The following ASIC2 variants were observed in gnomAD, a reference collection of about 807,000 sequenced individuals.
The protein encoded by ASIC2 is acid-sensing ion channel 2.
Under a neutral mutation model 57.3 loss-of-function variants are expected in ASIC2, and 25 were observed. That is an observed-to-expected ratio of 0.44 (90% CI 0.32 to 0.61). The LOEUF (loss-of-function observed/expected upper bound fraction) is 0.61. Ranked by LOEUF, ASIC2 falls within the 20% of genes least tolerant of loss-of-function variation. The probability of loss-of-function intolerance (pLI) is 0.06; values close to 1 mark genes in which losing one functional copy is unlikely to be tolerated. For synonymous variants in ASIC2, 319 were observed against 307.5 expected (o/e 1.04, Z -0.39); for missense variants, 641 against 738.1 (o/e 0.87, Z 1.52).
At chr17:34,093,993 C>T (rs1181581015) in intron 1 of ASIC2, among the ~76,000 whole-genome samples, 1 of 152,114 alleles carries the variant, frequency 6.6e-6, no homozygotes, top group Non-Finnish European at 1.5e-5. Context: ...TTTAATGCAG[C>T]GCACATGCTA....
chr17:33,046,999 T>C (rs1167463493), intron 3 of ASIC2, among the ~76,000 whole-genome samples: 1 of 152,266 alleles, frequency 6.6e-6, no homozygotes, highest in Non-Finnish European at 1.5e-5. Flanking sequence ...GCACTCGTGA[T>C]GCCGCATGAT....
At chr17:34,044,389 T>C (rs1908259590) in intron 1 of ASIC2, among the ~76,000 whole-genome samples, 1 of 152,070 alleles carries the variant, frequency 6.6e-6, no homozygotes, top group African/African-American at 2.4e-5. Flanking sequence ...AATAATAAAA[T>C]TAAAAAGTCA....
At chr17:33,901,900 C>T (rs532064803) in intron 1 of ASIC2, among the ~76,000 whole-genome samples, 1 of 152,080 alleles carries the variant, frequency 6.6e-6, no homozygotes, top group African/African-American at 2.4e-5. Flanking sequence ...AATGATATTG[C>T]GACTATGCTC....
At chr17:34,038,411 T>G in intron 1 of ASIC2, 1 of 1,612,200 alleles carries the variant, frequency 6.2e-7, no homozygotes, top group Non-Finnish European at 8.5e-7. Context: ...CCTACATGCA[T>G]GCTTGTGGTA....
At chr17:33,285,576 G>C (rs1254010961) in intron 1 of ASIC2, among the ~76,000 whole-genome samples, 1 of 152,190 alleles carries the variant, frequency 6.6e-6, no homozygotes, top group Non-Finnish European at 1.5e-5. Context: ...TGAAACCAAA[G>C]TCACTCAACT....
At chr17:33,345,437 GC>G (rs2142241884) in intron 1 of ASIC2, among the ~76,000 whole-genome samples, 1 of 152,306 alleles carries the variant, frequency 6.6e-6, no homozygotes. Flanking sequence ...AATATGGGGG[GC>G]CTATGCCTCT....
chr17:33,930,087 G>T (rs1465283688), intron 1 of ASIC2, among the ~76,000 whole-genome samples: 1 of 152,190 alleles, frequency 6.6e-6, no homozygotes. Context: ...AAGAAAACTT[G>T]TGATAATAGA....
At position 33,565,255 on chromosome 17, in the gene ASIC2, G is replaced by A. The variant is rs145514340; in HGVS notation, c.556-453188C>T. 1.8e-4 allele frequency among the ~76,000 whole-genome samples: 27 copies of A among 152,230 alleles called. No individual in the cohort carries two copies. In the Middle Eastern group the frequency reaches 0.01, roughly 58 times the overall value. On this transcript the variant is annotated intron_variant, in intron 1 of 9. Coordinates refer to the ASIC2 transcript ENST00000359872. ...TCCATATGAGCCATCCAACTCTGTC[G>A]GCTGGGAACTTCTACCCTCATTGCC...
intron 1 of ASIC2, chr17:34,071,559 G>T (rs1051667170): frequency 2.0e-5 from 3 of 152,286 alleles, no homozygotes; most frequent in Non-Finnish European, 4.4e-5. Flanking sequence ...GCCGGGCTCG[G>T]TGGCTCACGC....
chr17:33,278,199 A>ATTTT (rs58668822), intron 1 of ASIC2, among the ~76,000 whole-genome samples: 82 of 137,610 alleles, frequency 6.0e-4, no homozygotes, highest in East Asian at 5.1e-3. Flanking sequence ...GCCCTTATTC[A>ATTTT]TTTTTTTTTT....
intron 1 of ASIC2, among the ~76,000 whole-genome samples, chr17:34,014,279 T>A (rs144973895): frequency 7.5e-4 from 115 of 152,340 alleles, no homozygotes; most frequent in African/African-American, 2.7e-3. Context: ...GTTAACTTGA[T>A]GGTCACCCAT....
intron 1 of ASIC2, among the ~76,000 whole-genome samples, chr17:33,829,555 G>C (rs1190329170): frequency 6.6e-6 from 1 of 151,898 alleles, no homozygotes. Flanking sequence ...ATTGCTCCAA[G>C]GCAGGACATT....
At chr17:33,129,217 G>T (rs1405713734) in intron 1 of ASIC2, among the ~76,000 whole-genome samples, 1 of 152,172 alleles carries the variant, frequency 6.6e-6, no homozygotes, top group Non-Finnish European at 1.5e-5. Flanking sequence ...CACCTCTCAC[G>T]GCAAACCCCT....
chr17:33,652,729 T>G (rs1260385112), intron 1 of ASIC2, among the ~76,000 whole-genome samples: 2 of 152,236 alleles, frequency 1.3e-5, no homozygotes, highest in Non-Finnish European at 2.9e-5. Context: ...GAGACCGTTC[T>G]TCCTGTCTCA....
At chr17:33,212,513 C>T (rs924396701) in intron 1 of ASIC2, among the ~76,000 whole-genome samples, 1 of 152,200 alleles carries the variant, frequency 6.6e-6, no homozygotes, top group African/African-American at 2.4e-5. Flanking sequence ...GACTTCTGAC[C>T]TCCAGAACTG....
At chr17:33,603,009 AGT>A (rs1469077344) in intron 1 of ASIC2, among the ~76,000 whole-genome samples, 1 of 152,164 alleles carries the variant, frequency 6.6e-6, no homozygotes, top group African/African-American at 2.4e-5. Flanking sequence ...GAGGGCACAG[AGT>A]GTGAACATTT....
At chr17:33,204,029 C>T (rs986153385) in intron 1 of ASIC2, among the ~76,000 whole-genome samples, 1 of 152,184 alleles carries the variant, frequency 6.6e-6, no homozygotes, top group Admixed American at 6.5e-5. Context: ...GCATCTAGCT[C>T]GTGATCCTTG....
intron 1 of ASIC2, among the ~76,000 whole-genome samples, chr17:33,710,493 C>CCT (rs1206882505): frequency 6.6e-6 from 1 of 152,136 alleles, no homozygotes; most frequent in African/African-American, 2.4e-5. Flanking sequence ...CACCTGTGGA[C>CCT]GTGGGTCAGG....
chr17:33,448,012 A>G (rs1437679166), intron 1 of ASIC2, among the ~76,000 whole-genome samples: 4 of 150,980 alleles, frequency 2.6e-5, no homozygotes, highest in African/African-American at 7.3e-5. Context: ...GTTTTATATT[A>G]TCACATGTAC....
Sources: allele counts gnomAD v4.1 joint callset (sites outside exome capture counted in the v4.1 genomes callset), GRCh38; gene constraint gnomAD v4.1.1; transcripts MANE v1.5; gene names NCBI Gene and HGNC (gene_info 2026-07-23, HGNC 2026-07-21).